PCSK2: variants seen among roughly 807,000 people sequenced by gnomAD.
PCSK2 encodes neuroendocrine convertase 2.
In PCSK2, 14 loss-of-function variants were observed where a neutral mutation model predicts 69.7. That is an observed-to-expected ratio of 0.20 (90% CI 0.13 to 0.31). The LOEUF (loss-of-function observed/expected upper bound fraction) is 0.31, where lower values mean the gene tolerates loss of function less well. Among genes scored for constraint, PCSK2 ranks in the 10% least tolerant of loss-of-function variants. The pLI is 1.00. For missense variants in PCSK2, 544 were observed against 842.5 expected, an observed-to-expected ratio of 0.65 and a Z score of 4.39; for synonymous variants, 307 against 320.7, an observed-to-expected ratio of 0.96 and a Z score of 0.46.
At chr20:17,423,487 A>T (rs1282874813) in intron 6 of PCSK2, among the ~76,000 whole-genome samples, 4 of 152,094 alleles carry the variant, frequency 2.6e-5, no homozygotes, top group Non-Finnish European at 1.5e-5. Flanking sequence ...AAGGTGCTAG[A>T]CTCTCAGCTA....
At chr20:17,252,337 A>G (rs982357719) in intron 1 of PCSK2, among the ~76,000 whole-genome samples, 1 of 152,228 alleles carries the variant, frequency 6.6e-6, no homozygotes, top group Non-Finnish European at 1.5e-5. Flanking sequence ...TTCTCCAAAA[A>G]GTCTAAGAAA....
intron 2 of PCSK2, among the ~76,000 whole-genome samples, chr20:17,288,105 C>T (rs1037916858): frequency 1.3e-5 from 2 of 152,198 alleles, no homozygotes; most frequent in Non-Finnish European, 2.9e-5. Flanking sequence ...ATTCTAAATC[C>T]ACCTGATCAA....
At chr20:17,447,100 A>C (rs1568654074) in intron 8 of PCSK2, among the ~76,000 whole-genome samples, 1 of 140,940 alleles carries the variant, frequency 7.1e-6, no homozygotes, top group Non-Finnish European at 1.5e-5. Context: ...TACTAAAAAA[A>C]ATAAATAAAG....
At chr20:17,348,031 GAAGAAAGAAAGAAAGAAAGGAAAGA>G (rs1166277774) in intron 2 of PCSK2, among the ~76,000 whole-genome samples, 1,513 of 71,882 alleles carry the variant, frequency 0.021, 31 homozygotes, top group Admixed American at 0.036. Flanking sequence ...GAGAAAGAAA[GAAGAAAGAAAGAAAGAAAGGAAAGA>G]AAGAAAGAAA....
intron 10 of PCSK2, among the ~76,000 whole-genome samples, chr20:17,458,558 G>C (rs1208499463): frequency 6.6e-6 from 1 of 152,190 alleles, no homozygotes; most frequent in Non-Finnish European, 1.5e-5. Context: ...CTCCAAATGA[G>C]AGCCCAGAGG....
chr20:17,400,602 A>C lies in PCSK2; in HGVS notation c.544-8661A>C, dbSNP rs75293413. Among the ~76,000 whole-genome samples, 689 of 152,320 alleles carry C rather than the reference A, an allele frequency of 4.5e-3. 5 individuals carry two copies. The highest frequency in any genetic ancestry group is 0.016 in the African/African-American group (655 of 41,572). ...ATTACACAAAATGTAATTTTTACTA[A>C]TTTTAATTACAAAATGTAATTAAAA... is the stretch of plus-strand genomic sequence containing the variant. On this transcript the variant is annotated intron_variant, in intron 5 of 11. Coordinates refer to ENST00000262545, the MANE Select transcript of PCSK2 (RefSeq NM_002594.5).
chr20:17,455,333 T>A (rs1031863314), intron 9 of PCSK2, among the ~76,000 whole-genome samples: 1 of 152,172 alleles, frequency 6.6e-6, no homozygotes, highest in Non-Finnish European at 1.5e-5. Context: ...TCCCGTCGTT[T>A]ATACATGATT....
At chr20:17,423,621 C>T (rs993960450) in intron 6 of PCSK2, among the ~76,000 whole-genome samples, 3 of 141,512 alleles carry the variant, frequency 2.1e-5, no homozygotes, top group Non-Finnish European at 3.1e-5. Flanking sequence ...AAGCTGGCTA[C>T]ATTAAAATTA....
intron 5 of PCSK2, among the ~76,000 whole-genome samples, chr20:17,395,835 A>G (rs981729747): frequency 6.6e-6 from 1 of 152,220 alleles, no homozygotes; most frequent in African/African-American, 2.4e-5. Flanking sequence ...AGCCCCTTCG[A>G]TGAGGTGACT....
intron 2 of PCSK2, among the ~76,000 whole-genome samples, chr20:17,266,444 A>G (rs1987604433): frequency 6.6e-6 from 1 of 152,240 alleles, no homozygotes; most frequent in South Asian, 2.1e-4. Flanking sequence ...CTTGTGATGT[A>G]TTGAGACACA....
intron 11 of PCSK2, among the ~76,000 whole-genome samples, chr20:17,477,311 GTATTTTATTT>G (rs532527809): frequency 4.5e-4 from 68 of 149,862 alleles, no homozygotes; most frequent in Admixed American, 4.3e-3. Flanking sequence ...ATTGTGCCTG[GTATTTTATTT>G]TATTTTATTT....
At chr20:17,480,184 CTTTTT>C (rs1164266992) in intron 11 of PCSK2, among the ~76,000 whole-genome samples, 2 of 76,996 alleles carry the variant, frequency 2.6e-5, no homozygotes, top group African/African-American at 5.9e-5. Context: ...TTCAGCTTTT[CTTTTT>C]TTTTTTTTTT....
At chr20:17,437,441 A>G (rs1391971512) in intron 8 of PCSK2, among the ~76,000 whole-genome samples, 1 of 152,190 alleles carries the variant, frequency 6.6e-6, no homozygotes, top group Non-Finnish European at 1.5e-5. Context: ...GATGAGATGC[A>G]GGTCAGTGCT....
intron 2 of PCSK2, among the ~76,000 whole-genome samples, chr20:17,344,166 A>T (rs1350799505): frequency 6.6e-6 from 1 of 152,196 alleles, no homozygotes; most frequent in South Asian, 2.1e-4. Flanking sequence ...ACGCCCTGTC[A>T]TCGGGTGCTC....
In PCSK2 at chr20:17,482,342, G is replaced by GA. The variant is rs11472008; in HGVS notation, c.*293dup. On this transcript the variant is annotated 3_prime_UTR_variant, in exon 12 of 12. Coordinates refer to ENST00000262545, the MANE Select transcript of PCSK2 (RefSeq NM_002594.5). The stretch of plus-strand genomic sequence containing the variant: ...CTGTCATTCAAATGGGTGATATCCT[G>GA]AAAAAAAAAAAAAAAAAAAAACTGG... The GA allele has an allele frequency of 0.056, 5,996 of 106,438 alleles. 263 individuals carry two copies. The highest frequency in any genetic ancestry group is 0.074 in the African/African-American group (2,224 of 30,028). 6.6% of individuals were successfully genotyped at this position (106,438 alleles called of 1,614,324 possible). A position where few individuals can be genotyped will look rare whatever the true frequency, so the allele number is the denominator to read the frequency against.
At chr20:17,303,503 A>ATATAT (rs1989204628) in intron 2 of PCSK2, among the ~76,000 whole-genome samples, 1 of 43,256 alleles carries the variant, frequency 2.3e-5, no homozygotes, top group African/African-American at 8.4e-5. Context: ...TTAATATAAT[A>ATATAT]TATATTATAT....
chr20:17,405,709 C>T (rs184638427), intron 5 of PCSK2, among the ~76,000 whole-genome samples: 1 of 152,352 alleles, frequency 6.6e-6, no homozygotes, highest in African/African-American at 2.4e-5. Flanking sequence ...CGAGTCTCAT[C>T]TTTCTTCCTA....
At chr20:17,287,010 G>A (rs571410766) in intron 2 of PCSK2, among the ~76,000 whole-genome samples, 2 of 152,222 alleles carry the variant, frequency 1.3e-5, no homozygotes, top group African/African-American at 2.4e-5. Flanking sequence ...GCTGCAGCTC[G>A]AGTCCATGGC....
chr20:17,479,054 T>C, intron 11 of PCSK2: 1 of 1,173,048 alleles, frequency 8.5e-7, no homozygotes, highest in South Asian at 1.2e-5. Context: ...AATTCTTAAG[T>C]TAATGGCTTT....
Sources: allele counts gnomAD v4.1 joint callset (sites outside exome capture counted in the v4.1 genomes callset), GRCh38; gene constraint gnomAD v4.1.1; transcripts MANE v1.5; gene names NCBI Gene and HGNC (gene_info 2026-07-23, HGNC 2026-07-21).